TECPR1: variants seen among roughly 807,000 people sequenced by gnomAD.
The protein encoded by TECPR1 is tectonin beta-propeller repeat containing 1, also known as tectonin beta-propeller repeat-containing protein 1.
Under a neutral mutation model 162.4 loss-of-function variants are expected in TECPR1, and 122 were observed. The observed-to-expected ratio is 0.75, with a 90% confidence interval of 0.65 to 0.87. The LOEUF (loss-of-function observed/expected upper bound fraction) is 0.87. TECPR1 is among the 40% of genes least tolerant of loss of function. TECPR1 has a pLI of 0.00. For missense variants in TECPR1, 1,432 were observed against 1,618.2 expected (o/e 0.88, Z 1.97); for synonymous variants, 642 against 670.6 (o/e 0.96, Z 0.66).
At chr7:98,218,619 G>A (rs1798074422) in intron 23 of TECPR1, among the ~76,000 whole-genome samples, 1 of 152,108 alleles carries the variant, frequency 6.6e-6, no homozygotes, top group Admixed American at 6.6e-5. Context: ...TACAACAGCT[G>A]CAAAAAATAA....
At position 98,243,545 on chromosome 7, in the gene TECPR1, G is replaced by T. The variant is rs752439811; in HGVS notation, c.579C>A (p.Asp193Glu). 6 of 1,612,642 alleles carry T rather than the reference G, an allele frequency of 3.7e-6. No individual in the cohort carries two copies. The South Asian group carries it at 5.5e-5, about 15-fold the overall frequency. ...TGATCTCCCAGCCCCCTACAGAGAG[G>T]TCGTTGAAGGGGTCGGGCAGCTCCT... ...DPKELPDPFN[D>E]LSVGGWEITE... is the part of the protein sequence containing the mutation. The change falls in exon 6 of 26, where the codon GAC (aspartate) becomes GAA (glutamate). Residue 193 changes from aspartate to glutamate, a missense_variant. By Grantham distance (45) the Asp-to-Glu change is conservative. Transcript: ENST00000447648.
rs1203968859 is a variant in TECPR1 at position 98,233,860 on chromosome 7, G to T, written c.1233C>A (p.Pro411=). 6.4e-7 allele frequency: 1 copy of T among 1,563,070 alleles called. No homozygotes were observed. The highest frequency in any genetic ancestry group is 1.2e-5 in the South Asian group (1 of 85,450). The change falls in exon 11 of 26, where the codon CCC becomes CCA. Residue 411 remains proline (P), a synonymous_variant. Transcript: ENST00000447648. ...DEVRGSGESA[P]SDTDASSEVE... is the part of the protein sequence containing the mutation. The stretch of plus-strand genomic sequence containing the variant: ...CTTCCGAGGAGGCATCGGTGTCGCT[G>T]GGGGCAGACTCGCCACTACCCCTCA...
Position 98,236,780 on chromosome 7 carries a change from G to T in TECPR1, c.1177C>A (p.Leu393Ile). ...CACCCTGCCACCCCCAGTCACCTGA[G>T]GAGACTAGACGAGCTGCCAGAGTGT... Reference protein sequence around the residue: ...RSHSGSSSSLLSAGCFFGDEV... With the variant: ...RSHSGSSSSLISAGCFFGDEV... The change falls in exon 10 of 26, where the codon CTC becomes ATC. Residue 393 changes from leucine to isoleucine, a missense_variant. By Grantham distance (5) the Leu-to-Ile change is conservative. Transcript: ENST00000447648. The T allele has an allele frequency of 6.3e-7, 1 of 1,595,306 alleles. No individual in the cohort carries two copies.
rs748263737 is a variant in TECPR1 at position 98,233,461 on chromosome 7, C to T, written c.1632G>A (p.Val544=). ...WAWVSGGGCV[V]EACAMPRWFT... ...ACCATCTGGGCATGGCACATGCCTC[C>T]ACCACGCAGCCGCCTCCCGACACCC... is the stretch of plus-strand genomic sequence containing the variant. The change falls in exon 11 of 26, where the codon GTG becomes GTA. Residue 544 remains valine (V), a synonymous_variant. Coordinates refer to ENST00000447648, the MANE Select transcript of TECPR1 (RefSeq NM_015395.3). The T allele has an allele frequency of 2.8e-5, 42 of 1,476,236 alleles. No homozygotes were observed. Among genetic ancestry groups the T allele is most frequent in the Admixed American group, 5.3e-5 (2 of 37,428 alleles). 91.4% of individuals were successfully genotyped at this position (1,476,236 alleles called of 1,614,324 possible).
chr7:98,244,577 C>T lies in TECPR1; in HGVS notation c.525G>A (p.Trp175Ter), dbSNP rs374434605. Residue 175 changes from tryptophan (W) to a stop codon, truncating the protein, a stop_gained, in exon 5 of 26, where the codon TGG becomes TGA. Coordinates refer to ENST00000447648, the MANE Select transcript of TECPR1 (RefSeq NM_015395.3). LOFTEE classifies it high-confidence loss of function. ...RYRRYKSRDI[W>*]AKIPSKDDPK... ...CACATTCAGGAACAGAGACCTTGGC[C>T]CAGATGTCCCGGGACTTGTATCTCC... 4.9e-5 allele frequency: 78 copies of T among 1,607,344 alleles called. No homozygotes were observed. The highest frequency in any genetic ancestry group is 6.1e-5 in the Non-Finnish European group (72 of 1,175,768).
At chr7:98,218,103 G>A (rs942032222) in intron 23 of TECPR1, 61 bp from the exon 24 acceptor site, 63 of 1,408,810 alleles carry the variant, frequency 4.5e-5, no homozygotes, top group Non-Finnish European at 3.0e-5. Flanking sequence ...CTGCCCGTGC[G>A]GCCCGGCAGC....
intron 17 of TECPR1, 65 bp from the exon 18 acceptor site, chr7:98,225,167 C>T: frequency 7.2e-7 from 1 of 1,382,336 alleles, no homozygotes; most frequent in Non-Finnish European, 1.0e-6. Context: ...ACTCAGACAC[C>T]CCCATAACAC....
intron 22 of TECPR1, among the ~76,000 whole-genome samples, chr7:98,221,984 T>C (rs1798154188): frequency 6.6e-6 from 1 of 152,238 alleles, no homozygotes; most frequent in Non-Finnish European, 1.5e-5. Context: ...AAAGGCTTCC[T>C]GTGCAGCTCA....
rs768869253 is a variant in TECPR1 at position 98,246,110 on chromosome 7, C to T, written c.37G>A (p.Gly13Arg). 5 of 1,553,860 alleles carry T rather than the reference C, an allele frequency of 3.2e-6. No individual in the cohort carries two copies. Among genetic ancestry groups the T allele is most frequent in the African/African-American group, 1.4e-5 (1 of 73,190 alleles). Reference sequence around the variant, plus strand: ...GCTGTGGACAGCGTGTACACTCTCCCGAAGAGGTCCACCGCCCACAGCACT... The same window carrying T: ...GCTGTGGACAGCGTGTACACTCTCCTGAAGAGGTCCACCGCCCACAGCACT... ...NSVLWAVDLF[G>R]RVYTLSTAGQ... Residue 13 changes from glycine to arginine, a missense_variant, in exon 3 of 26, where the codon GGG becomes AGG. Physicochemically the swap from Gly to Arg is moderately radical, Grantham distance 125. Transcript: ENST00000447648.
chr7:98,224,263 C>T (rs1004855460), intron 19 of TECPR1, among the ~76,000 whole-genome samples: 19 of 152,162 alleles, frequency 1.2e-4, no homozygotes, highest in Non-Finnish European at 8.8e-5. Context: ...GAGACTGTGC[C>T]GTGAAGGGCC....
chr7:98,249,358 G>A lies in TECPR1; in HGVS notation c.-20+2036C>T, dbSNP rs182516871. Among the ~76,000 whole-genome samples the A allele has an allele frequency of 3.9e-4, 60 of 152,214 alleles. 1 individual carries two copies. In the East Asian group the frequency reaches 9.9e-3, roughly 25 times the overall value. Reference sequence around the variant, plus strand: ...CTGCCCAGCAGAATGGAGGAAGCCCGGGGAGTAAGAGCCCCTCCCAGAGCA... The same window carrying A: ...CTGCCCAGCAGAATGGAGGAAGCCCAGGGAGTAAGAGCCCCTCCCAGAGCA... On this transcript the variant is annotated intron_variant, in intron 2 of 25. Transcript: ENST00000447648.
chr7:98,229,918 G>A (rs1342472931), intron 15 of TECPR1, among the ~76,000 whole-genome samples: 1 of 151,560 alleles, frequency 6.6e-6, no homozygotes, highest in Non-Finnish European at 1.5e-5. Flanking sequence ...TAGCCCCCAT[G>A]TCCCCTGCCG....
chr7:98,223,290 GC>G, intron 20 of TECPR1, 120 bp from the exon 21 acceptor site: 2 of 1,037,744 alleles, frequency 1.9e-6, no homozygotes, highest in Non-Finnish European at 2.8e-6. Flanking sequence ...AGAAAGAGGG[GC>G]CCAGAGGTGG....
At chr7:98,222,235 C>A in intron 22 of TECPR1, 151 bp downstream of exon 22, 2 of 1,197,894 alleles carry the variant, frequency 1.7e-6, no homozygotes, top group Admixed American at 2.8e-5. Flanking sequence ...ACCAGGGTGA[C>A]CACCTCCCAG....
rs997995664 is a variant in TECPR1 at position 98,228,946 on chromosome 7, G to C, written c.2410+93C>G. On this transcript the variant is annotated intron_variant, in intron 16 of 25. Transcript: ENST00000447648. ...GCTGTTAGCCGAGTGTGAACACTGG[G>C]ACAATGGCCCTGGCCTTGGGCAGGG... 2.0e-6 allele frequency: 3 copies of C among 1,478,092 alleles called. No individual in the cohort carries two copies. The African/African-American group carries it at 4.2e-5, about 21-fold the overall frequency. The allele number at this position is 1,478,092 out of a possible 1,614,324, so 91.6% of individuals were successfully genotyped here.
chr7:98,238,632 A>C (rs1798661775), intron 8 of TECPR1, 22 bp from the exon 9 acceptor site: 1 of 1,547,834 alleles, frequency 6.5e-7, no homozygotes, highest in Non-Finnish European at 8.8e-7. Flanking sequence ...AGAAATAAAC[A>C]TGCCTTCCTG....
intron 22 of TECPR1, among the ~76,000 whole-genome samples, chr7:98,222,111 GC>G (rs1389443634): frequency 6.6e-6 from 1 of 152,210 alleles, no homozygotes; most frequent in Non-Finnish European, 1.5e-5. Context: ...AGCCAGCACA[GC>G]CCGTCCTCCC....
In TECPR1 at chr7:98,231,799, G is replaced by A. The variant is rs1343710924; in HGVS notation, c.1974+5C>T. 6.2e-7 allele frequency: 1 copy of A among 1,609,692 alleles called. No homozygotes were observed. Among genetic ancestry groups the A allele is most frequent in the South Asian group, 1.1e-5 (1 of 90,978 alleles). On this transcript the variant is annotated splice_donor_5th_base_variant and intron_variant, in intron 13 of 25. Transcript: ENST00000447648. The stretch of plus-strand genomic sequence containing the variant: ...GGCCCCATCTCCTGTGGGACCCGTG[G>A]GCACCTTCTTCTCCTCGTGGACCAC...
chr7:98,249,238 G>C (rs1798999648), intron 2 of TECPR1, among the ~76,000 whole-genome samples: 1 of 152,080 alleles, frequency 6.6e-6, no homozygotes, highest in Non-Finnish European at 1.5e-5. Flanking sequence ...GGAAGTGAGT[G>C]AGAGGGTGAG....
Sources: allele counts gnomAD v4.1 joint callset (sites outside exome capture counted in the v4.1 genomes callset), GRCh38; gene constraint gnomAD v4.1.1; transcripts MANE v1.5; gene names NCBI Gene and HGNC (gene_info 2026-07-23, HGNC 2026-07-21).